ADK: variants seen among roughly 807,000 people sequenced by gnomAD.
ADK encodes the protein adenosine kinase, also known as N6,N6-dimethyladenosine kinase.
Under a neutral mutation model 44.7 loss-of-function variants are expected in ADK, and 24 were observed. That is an observed-to-expected ratio of 0.54 (90% CI 0.39 to 0.76). ADK has a LOEUF of 0.76. ADK is among the 30% of genes least tolerant of loss of function. The pLI is 0.00. For synonymous variants in ADK, 128 were observed against 142.6 expected (o/e 0.90, Z 0.73); for missense variants, 321 against 425.1 (o/e 0.76, Z 2.15).
At position 74,167,766 on chromosome 10, in the gene ADK, T is replaced by C. The variant is rs1162946208; in HGVS notation, c.65+16423T>C. ...TTTAAGAGAAGGGAACATAGACTTC[T>C]TGTCTCTAAGATATTGTTCCCATTT... is the stretch of plus-strand genomic sequence containing the variant. On this transcript the variant is annotated intron_variant, in intron 1 of 10. Coordinates refer to ENST00000539909, the MANE Select transcript of ADK (RefSeq NM_006721.4). Among the ~76,000 whole-genome samples, 4 of 152,230 alleles carry C rather than the reference T, an allele frequency of 2.6e-5. No homozygotes were observed. In the East Asian group the frequency reaches 7.7e-4, roughly 29 times the overall value.
intron 1 of ADK, among the ~76,000 whole-genome samples, chr10:74,199,502 T>C (rs868608373): frequency 6.6e-6 from 1 of 152,214 alleles, no homozygotes; most frequent in Non-Finnish European, 1.5e-5. Context: ...TCCATATTGC[T>C]GTAAAGGACA....
At chr10:74,637,786 A>G (rs955157690) in intron 9 of ADK, among the ~76,000 whole-genome samples, 1 of 152,238 alleles carries the variant, frequency 6.6e-6, no homozygotes, top group Non-Finnish European at 1.5e-5. Flanking sequence ...TGCTGAGTCT[A>G]GATGAGTGGC....
chr10:74,313,216 T>C (rs1349105154), intron 3 of ADK, among the ~76,000 whole-genome samples: 1 of 152,118 alleles, frequency 6.6e-6, no homozygotes, highest in African/African-American at 2.4e-5. Context: ...AGGGAGAATT[T>C]TGCATGCAAT....
At chr10:74,376,771 T>G (rs2131991240) in intron 4 of ADK, among the ~76,000 whole-genome samples, 1 of 126,650 alleles carries the variant, frequency 7.9e-6, no homozygotes, top group Non-Finnish European at 1.8e-5. Flanking sequence ...CTTTTCTCTC[T>G]CTCGTCTTTT....
intron 10 of ADK, among the ~76,000 whole-genome samples, chr10:74,692,041 T>C (rs1156837423): frequency 6.6e-6 from 1 of 152,216 alleles, no homozygotes. Context: ...ATTTAAAAAC[T>C]TACGTCTTCA....
chr10:74,168,340 C>T (rs1316841842), intron 1 of ADK, among the ~76,000 whole-genome samples: 1 of 151,888 alleles, frequency 6.6e-6, no homozygotes, highest in Admixed American at 6.6e-5. Flanking sequence ...GAGATCGAGA[C>T]CATCCTGTCT....
intron 6 of ADK, among the ~76,000 whole-genome samples, chr10:74,424,699 T>C (rs1357301845): frequency 2.0e-5 from 3 of 152,240 alleles, no homozygotes; most frequent in East Asian, 3.9e-4. Context: ...TAACCTCTTA[T>C]ATAGTTTCCC....
chr10:74,290,887 A>G (rs1469317654), intron 3 of ADK, among the ~76,000 whole-genome samples: 1 of 152,106 alleles, frequency 6.6e-6, no homozygotes. Context: ...TTGGTATTTT[A>G]AGTTGGAGCA....
chr10:74,508,173 GT>G (rs1434856706), intron 6 of ADK, among the ~76,000 whole-genome samples: 2 of 152,128 alleles, frequency 1.3e-5, no homozygotes. Context: ...GAAAAGAAGA[GT>G]GATTAGGGTG....
At chr10:74,162,948 C>T (rs529457080) in intron 1 of ADK, among the ~76,000 whole-genome samples, 1 of 152,044 alleles carries the variant, frequency 6.6e-6, no homozygotes, top group South Asian at 2.1e-4. Context: ...AAATACACTT[C>T]TCCTACGTGA....
intron 3 of ADK, among the ~76,000 whole-genome samples, chr10:74,306,971 A>C (rs1006816028): frequency 3.3e-5 from 5 of 152,176 alleles, no homozygotes; most frequent in African/African-American, 1.2e-4. Context: ...TTACTACTTC[A>C]GCCTTATGTA....
At chr10:74,499,191 A>G (rs1187721613) in intron 6 of ADK, among the ~76,000 whole-genome samples, 1 of 152,128 alleles carries the variant, frequency 6.6e-6, no homozygotes, top group Non-Finnish European at 1.5e-5. Flanking sequence ...AGTTGGGACT[A>G]CAGGCGTGTG....
intron 7 of ADK, among the ~76,000 whole-genome samples, chr10:74,574,391 G>T (rs1041455452): frequency 6.6e-6 from 1 of 151,746 alleles, no homozygotes; most frequent in African/African-American, 2.4e-5. Flanking sequence ...GGATGGTCTC[G>T]CTCTCTTGAC....
chr10:74,636,175 A>G (rs777972945), intron 9 of ADK, among the ~76,000 whole-genome samples: 4 of 152,184 alleles, frequency 2.6e-5, no homozygotes, highest in Non-Finnish European at 5.9e-5. Context: ...TCTAATATAA[A>G]TAGAAACTAC....
intron 10 of ADK, among the ~76,000 whole-genome samples, chr10:74,687,518 C>T (rs1855836013): frequency 6.6e-6 from 1 of 152,212 alleles, no homozygotes; most frequent in Admixed American, 6.5e-5. Flanking sequence ...AAACATTCTG[C>T]AGTGCTGGAA....
At chr10:74,372,622 A>G (rs1416628235) in intron 4 of ADK, among the ~76,000 whole-genome samples, 2 of 152,206 alleles carry the variant, frequency 1.3e-5, no homozygotes, top group African/African-American at 2.4e-5. Flanking sequence ...TTAAAAAGAA[A>G]TAATGTACTT....
At chr10:74,599,135 G>A (rs770401689) in intron 8 of ADK, among the ~76,000 whole-genome samples, 2 of 152,112 alleles carry the variant, frequency 1.3e-5, no homozygotes, top group African/African-American at 2.4e-5. Flanking sequence ...ATAAGCAACC[G>A]AAAGCGAAAT....
At chr10:74,199,584 T>G (rs1843299738) in intron 1 of ADK, among the ~76,000 whole-genome samples, 1 of 152,228 alleles carries the variant, frequency 6.6e-6, no homozygotes, top group South Asian at 2.1e-4. Context: ...TTATCCATTC[T>G]ACCATTGATG....
rs1843430026 is a variant in ADK at position 74,394,138 on chromosome 10, C to T, written c.274-3C>T. 3.7e-6 allele frequency: 6 copies of T among 1,613,712 alleles called. No individual in the cohort carries two copies. The highest frequency in any genetic ancestry group is 3.3e-5 in the Admixed American group (2 of 59,986). ...TTAAATTATTTATGTTCCTGTTTTA[C>T]AGTGGATGATTCAACAGCCACACAA... On this transcript the variant is annotated splice_polypyrimidine_tract_variant and splice_region_variant and intron_variant, in intron 4 of 10. Coordinates refer to ENST00000539909, the MANE Select transcript of ADK (RefSeq NM_006721.4).
Sources: allele counts gnomAD v4.1 joint callset (sites outside exome capture counted in the v4.1 genomes callset), GRCh38; gene constraint gnomAD v4.1.1; transcripts MANE v1.5; gene names NCBI Gene and HGNC (gene_info 2026-07-23, HGNC 2026-07-21).